The following ZMYM4 variants were observed in gnomAD, a reference collection of about 807,000 sequenced individuals.
ZMYM4 encodes zinc finger MYM-type containing 4.
In ZMYM4, 31 loss-of-function variants were observed where a neutral mutation model predicts 183.2. The ratio of observed to expected loss-of-function variants is 0.17; its 90% CI spans 0.13 to 0.23. The LOEUF is 0.23. ZMYM4 is among the 10% of genes least tolerant of loss of function. ZMYM4 has a pLI of 1.00. For missense variants in ZMYM4, 1,273 were observed against 1,840.3 expected, an observed-to-expected ratio of 0.69 and a Z score of 5.64; for synonymous variants, 592 against 631.2, an observed-to-expected ratio of 0.94 and a Z score of 0.93.
intron 19 of ZMYM4, 149 bp downstream of exon 19, chr1:35,396,819 G>T (rs1451657080): frequency 3.0e-6 from 3 of 985,332 alleles, no homozygotes; most frequent in Non-Finnish European, 4.2e-6. Flanking sequence ...ACTTAACATG[G>T]ATTATATAAA....
intron 15 of ZMYM4, among the ~76,000 whole-genome samples, chr1:35,391,883 T>C (rs1279844274): frequency 6.6e-6 from 1 of 150,912 alleles, no homozygotes; most frequent in African/African-American, 2.5e-5. Context: ...TCTACTAAAA[T>C]ACAAAAAATT....
intron 1 of ZMYM4, among the ~76,000 whole-genome samples, chr1:35,292,721 A>G (rs967880520): frequency 1.3e-5 from 2 of 151,896 alleles, no homozygotes; most frequent in African/African-American, 2.4e-5. Context: ...GCTGACCTCT[A>G]ACTCCTAACA....
chr1:35,338,425 G>A (rs1643065448), intron 2 of ZMYM4, among the ~76,000 whole-genome samples: 1 of 152,158 alleles, frequency 6.6e-6, no homozygotes, highest in Admixed American at 6.5e-5. Flanking sequence ...TGTGAAACCT[G>A]CTTATACAGA....
chr1:35,393,218 C>A lies in ZMYM4; in HGVS notation c.2767-377C>A, dbSNP rs111770381. ...TCTTTATTCAAGTTACTTAAATGAT[C>A]ATAAGTGATTCTGTTATTCCTAGTT... On this transcript the variant is annotated intron_variant, in intron 17 of 29. Transcript: ENST00000314607. Among the ~76,000 whole-genome samples the A allele has an allele frequency of 5.3e-5, 8 of 152,228 alleles. No homozygotes were observed. The East Asian group carries it at 9.6e-4, about 18-fold the overall frequency.
intron 1 of ZMYM4, among the ~76,000 whole-genome samples, chr1:35,269,325 G>A (rs1469572385): frequency 6.6e-6 from 1 of 152,004 alleles, no homozygotes; most frequent in Non-Finnish European, 1.5e-5. Flanking sequence ...TCCTCCCCCC[G>A]ACGTTCCCCA....
intron 1 of ZMYM4, among the ~76,000 whole-genome samples, chr1:35,290,725 C>T (rs1184710282): frequency 6.6e-6 from 1 of 152,166 alleles, no homozygotes; most frequent in Non-Finnish European, 1.5e-5. Context: ...AGCCACCATG[C>T]CTGGCTGGAT....
rs940787841 is a variant in ZMYM4 at position 35,268,817 on chromosome 1, C to T, written c.-230C>T. ...CATTAACCCCCCGAGTCCCGGCCCCCACCCCGTCCCCGGGCAGGCCCTCCC... is the reference window on the plus strand; with the variant it reads ...CATTAACCCCCCGAGTCCCGGCCCCTACCCCGTCCCCGGGCAGGCCCTCCC... On this transcript the variant is annotated 5_prime_UTR_variant, in exon 1 of 30. Transcript: ENST00000314607. 5.3e-6 allele frequency: 2 copies of T among 379,308 alleles called. No individual in the cohort carries two copies. The highest frequency in any genetic ancestry group is 4.7e-5 in the Admixed American group (1 of 21,094). The allele number at this position is 379,308 out of a possible 1,614,324, so 23.5% of individuals were successfully genotyped here.
chr1:35,374,596 CTG>C (rs1644293639), intron 7 of ZMYM4, among the ~76,000 whole-genome samples: 1 of 150,928 alleles, frequency 6.6e-6, no homozygotes. Context: ...GCTCAGGAGT[CTG>C]AGACTCAGCC....
intron 10 of ZMYM4, 40 bp from the exon 11 acceptor site, chr1:35,386,034 T>G (rs1360944531): frequency 7.1e-7 from 1 of 1,410,988 alleles, no homozygotes. Flanking sequence ...TGTGTACATT[T>G]GTACATATTA....
intron 16 of ZMYM4, 40 bp from the exon 17 acceptor site, chr1:35,392,607 A>G: frequency 6.4e-7 from 1 of 1,551,784 alleles, no homozygotes; most frequent in Non-Finnish European, 8.8e-7. Flanking sequence ...TGTTAAAATA[A>G]TTGTAAAGAT....
chr1:35,397,628 CAG>C (rs1644832794), intron 20 of ZMYM4, 83 bp downstream of exon 20: 3 of 1,258,872 alleles, frequency 2.4e-6, no homozygotes, highest in African/African-American at 3.0e-5. Context: ...AAGTATAAGA[CAG>C]GGTGTTTCTA....
chr1:35,405,301 T>A, intron 24 of ZMYM4, 72 bp from the exon 25 acceptor site: 1 of 1,579,184 alleles, frequency 6.3e-7, no homozygotes, highest in East Asian at 2.2e-5. Flanking sequence ...AAACTTTGGT[T>A]TGGGCTTTAC....
At chr1:35,289,246 G>A (rs1047273570) in intron 1 of ZMYM4, among the ~76,000 whole-genome samples, 1 of 152,176 alleles carries the variant, frequency 6.6e-6, no homozygotes, top group African/African-American at 2.4e-5. Context: ...TATATGAGAT[G>A]AACTTCAGGG....
At chr1:35,368,276 G>A (rs541585572) in intron 5 of ZMYM4, among the ~76,000 whole-genome samples, 14 of 152,236 alleles carry the variant, frequency 9.2e-5, no homozygotes, top group African/African-American at 2.9e-4. Context: ...GATCCCTGGA[G>A]TAAATGAATG....
chr1:35,330,195 A>G (rs1413684540), intron 2 of ZMYM4, among the ~76,000 whole-genome samples: 1 of 142,880 alleles, frequency 7.0e-6, no homozygotes, highest in Non-Finnish European at 1.5e-5. Flanking sequence ...CCTGAGCTGC[A>G]GAGAAAGACC....
chr1:35,274,744 A>G (rs184806965), intron 1 of ZMYM4, among the ~76,000 whole-genome samples: 1 of 151,678 alleles, frequency 6.6e-6, no homozygotes, highest in Non-Finnish European at 1.5e-5. Context: ...ACTTGGTATT[A>G]TAAACCCTTA....
rs769143799 is a variant in ZMYM4 at position 35,392,699 on chromosome 1, T to C, written c.2766+15T>C. On this transcript the variant is annotated intron_variant, in intron 17 of 29. Coordinates refer to ENST00000314607, the MANE Select transcript of ZMYM4 (RefSeq NM_005095.3). The stretch of plus-strand genomic sequence containing the variant: ...TCATCGGTGATGTAAGTTTTATTAC[T>C]TTTATTGGTATTGTCACTGTATTTA... 70 of 1,587,310 alleles carry C rather than the reference T, an allele frequency of 4.4e-5. No homozygotes were observed. Among genetic ancestry groups the C allele is most frequent in the Non-Finnish European group, 5.8e-5 (68 of 1,167,824 alleles).
intron 1 of ZMYM4, among the ~76,000 whole-genome samples, chr1:35,321,946 A>G (rs920836860): frequency 1.3e-5 from 2 of 151,974 alleles, no homozygotes; most frequent in Non-Finnish European, 2.9e-5. Flanking sequence ...TGACAACTGC[A>G]ATATTGCATT....
chr1:35,396,225 T>C (rs1644806488), intron 18 of ZMYM4, among the ~76,000 whole-genome samples: 1 of 152,202 alleles, frequency 6.6e-6, no homozygotes, highest in Admixed American at 6.5e-5. Context: ...GGCCCCTCCC[T>C]ATTCAGCCTC....
Sources: gnomAD v4.1 joint callset for allele counts (sites outside exome capture counted in the v4.1 genomes callset) on GRCh38, gnomAD v4.1.1 for gene constraint, MANE v1.5 for transcripts, NCBI Gene and HGNC (gene_info 2026-07-23, HGNC 2026-07-21) for gene names.